DACH2: variants seen among roughly 807,000 people sequenced by gnomAD.
DACH2 encodes the protein dachshund homolog 2.
DACH2 carries 17 observed loss-of-function variants against 35.8 expected under a neutral mutation model. The ratio of observed to expected loss-of-function variants is 0.48; its 90% CI spans 0.33 to 0.71. The LOEUF is 0.71. Ranked by LOEUF, DACH2 falls within the 30% of genes least tolerant of loss-of-function variation. The probability of loss-of-function intolerance (pLI) is 0.02; values close to 1 mark genes in which losing one functional copy is unlikely to be tolerated. For missense variants in DACH2, 469 were observed against 472.7 expected, an observed-to-expected ratio of 0.99 and a Z score of 0.07; for synonymous variants, 195 against 177.3, an observed-to-expected ratio of 1.10 and a Z score of -0.79.
intron 7 of DACH2, among the ~76,000 whole-genome samples, chrX:86,785,796 T>A (rs1478351411): frequency 9.0e-6 from 1 of 111,649 alleles, no homozygotes; most frequent in African/African-American, 3.2e-5. Flanking sequence ...TCTAAAGGCA[T>A]TGCTTCCTAT....
intron 1 of DACH2, among the ~76,000 whole-genome samples, chrX:86,166,785 C>A (rs923255937): frequency 9.9e-5 from 11 of 111,247 alleles, no homozygotes; most frequent in African/African-American, 3.3e-5. Flanking sequence ...GGATGTTGGA[C>A]TCACCAAATA....
chrX:86,461,291 T>A (rs1423860624), intron 2 of DACH2, among the ~76,000 whole-genome samples: 1 of 111,519 alleles, frequency 9.0e-6, no homozygotes, highest in Admixed American at 9.6e-5. Flanking sequence ...GAAATCATAA[T>A]TATTTAATTA....
At position 86,819,113 on chromosome X, in the gene DACH2, G is replaced by C. The variant is rs775960113; in HGVS notation, c.1750+3014G>C. Among the ~76,000 whole-genome samples the C allele has an allele frequency of 1.2e-3, 124 of 107,599 alleles. No homozygotes were observed. The Middle Eastern group carries it at 0.019, about 17-fold the overall frequency. The allele number at this position is 107,599 out of a possible 115,157, so 93.4% of individuals were successfully genotyped here. A position where few individuals can be genotyped will look rare whatever the true frequency, so the allele number is the denominator to read the frequency against. ...GGTTATTTCATGTCTTTTATGCTTT[G>C]AATGTTGTTTGACAGAGACGATAAT... On this transcript the variant is annotated intron_variant, in intron 11 of 11. Transcript: ENST00000373125.
chrX:86,711,613 T>G (rs1259567731), intron 5 of DACH2, among the ~76,000 whole-genome samples: 2 of 111,457 alleles, frequency 1.8e-5, no homozygotes, highest in African/African-American at 6.5e-5. Flanking sequence ...GTTTTTAATT[T>G]TATGTGTTCA....
At chrX:86,365,930 C>T (rs1448724712) in intron 1 of DACH2, among the ~76,000 whole-genome samples, 1 of 111,208 alleles carries the variant, frequency 9.0e-6, no homozygotes, top group African/African-American at 3.3e-5. Flanking sequence ...ACTTGTATGT[C>T]TAAAAAATGA....
Position 86,230,674 on chromosome X carries a change from G to T in DACH2, c.488+81566G>T, listed in dbSNP as rs750654879. On this transcript the variant is annotated intron_variant, in intron 1 of 11. Coordinates refer to ENST00000373125, the MANE Select transcript of DACH2 (RefSeq NM_053281.3). Reference sequence around the variant, plus strand: ...ATTTCAACCTCACTGCTTCTTATTGGTCTGTTCGGGGTATGTAATTCTTCC... The same window carrying T: ...ATTTCAACCTCACTGCTTCTTATTGTTCTGTTCGGGGTATGTAATTCTTCC... Among the ~76,000 whole-genome samples, 23 of 111,210 alleles carry T rather than the reference G, an allele frequency of 2.1e-4. 1 individual carries two copies. In the East Asian group the frequency reaches 6.2e-3, roughly 30 times the overall value.
chrX:86,427,870 T>G (rs1284918631), intron 2 of DACH2, among the ~76,000 whole-genome samples: 1 of 111,963 alleles, frequency 8.9e-6, no homozygotes, highest in African/African-American at 3.2e-5. Context: ...GTCTCTTAGC[T>G]CTACTCTCAG....
intron 1 of DACH2, among the ~76,000 whole-genome samples, chrX:86,329,036 G>T (rs939403792): frequency 2.7e-5 from 3 of 111,274 alleles, no homozygotes; most frequent in Non-Finnish European, 5.7e-5. Context: ...ACGATTCCTT[G>T]GGAAAACAGA....
At chrX:86,296,204 C>G (rs943654042) in intron 1 of DACH2, among the ~76,000 whole-genome samples, 9 of 103,885 alleles carry the variant, frequency 8.7e-5, no homozygotes, top group Non-Finnish European at 1.8e-4. Flanking sequence ...ACGGTGAAAC[C>G]CCGTCTCTAC....
chrX:86,778,919 T>G (rs1348434010), intron 7 of DACH2, among the ~76,000 whole-genome samples: 9 of 112,081 alleles, frequency 8.0e-5, no homozygotes, highest in Non-Finnish European at 1.1e-4. Flanking sequence ...ATTTTCATTT[T>G]TATTTCAACC....
intron 3 of DACH2, among the ~76,000 whole-genome samples, chrX:86,541,511 A>G (rs1404525113): frequency 9.0e-6 from 1 of 111,533 alleles, no homozygotes; most frequent in Non-Finnish European, 1.9e-5. Context: ...CTTGATTCCT[A>G]TTAAATCATT....
At chrX:86,167,112 G>A (rs182608034) in intron 1 of DACH2, among the ~76,000 whole-genome samples, 1 of 110,964 alleles carries the variant, frequency 9.0e-6, no homozygotes, top group African/African-American at 3.3e-5. Flanking sequence ...TCTATTTTTC[G>A]GAATAGTTTG....
At chrX:86,752,265 C>T (rs1429254005) in intron 7 of DACH2, among the ~76,000 whole-genome samples, 1 of 111,449 alleles carries the variant, frequency 9.0e-6, no homozygotes, top group Admixed American at 9.6e-5. Context: ...CTTTCTAATA[C>T]TTATCTTTTG....
intron 4 of DACH2, among the ~76,000 whole-genome samples, chrX:86,660,867 T>C (rs771057102): frequency 1.8e-5 from 2 of 111,488 alleles, no homozygotes; most frequent in East Asian, 5.7e-4. Flanking sequence ...GCATATAGTT[T>C]CACATAGAGT....
chrX:86,733,719 G>A (rs987848497), intron 6 of DACH2, among the ~76,000 whole-genome samples: 1 of 111,138 alleles, frequency 9.0e-6, no homozygotes, highest in Admixed American at 9.6e-5. Flanking sequence ...CTGTTATTTG[G>A]CAGTTTACCA....
rs189372551 is a variant in DACH2, at chrX:86,384,819, C to T, written c.527+7957C>T. 1.9e-3 allele frequency among the ~76,000 whole-genome samples: 215 copies of T among 111,671 alleles called. 1 individual carries two copies. Among genetic ancestry groups the T allele is most frequent in the African/African-American group, 6.8e-3 (211 of 30,900 alleles). On this transcript the variant is annotated intron_variant, in intron 2 of 11. Transcript: ENST00000373125. ...TTTATGATTCAAAATACTGTATCAT[C>T]TGAGACAGTGTTCCAGATGTTTTTA...
At chrX:86,705,063 A>ATATCTTATATATATATATATATATATC (rs1556379592) in intron 5 of DACH2, among the ~76,000 whole-genome samples, 2 of 104,658 alleles carry the variant, frequency 1.9e-5, no homozygotes, top group African/African-American at 7.1e-5. Context: ...ATATATATAT[A>ATATCTTATATATATATATATATATATC]TATCTCACAT....
intron 2 of DACH2, chrX:86,513,005 T>A: frequency 3.2e-6 from 1 of 308,611 alleles, no homozygotes; most frequent in Non-Finnish European, 6.2e-6. Context: ...ATATATAATA[T>A]TGATGTACAG....
chrX:86,223,413 C>G (rs1569307564), intron 1 of DACH2, among the ~76,000 whole-genome samples: 3 of 111,258 alleles, frequency 2.7e-5, no homozygotes, highest in Non-Finnish European at 5.7e-5. Flanking sequence ...GCATTATTCC[C>G]TTTTTGTTAA....
Sources: gnomAD v4.1 joint callset for allele counts (sites outside exome capture counted in the v4.1 genomes callset) on GRCh38, gnomAD v4.1.1 for gene constraint, MANE v1.5 for transcripts, NCBI Gene and HGNC (gene_info 2026-07-23, HGNC 2026-07-21) for gene names.